The following GBP5 variants were observed in gnomAD, a reference collection of about 807,000 sequenced individuals.
GBP5 encodes guanylate binding protein 5.
Under a neutral mutation model 58.2 loss-of-function variants are expected in GBP5, and 48 were observed. The ratio of observed to expected loss-of-function variants is 0.83; its 90% confidence interval spans 0.65 to 1.05. The LOEUF (loss-of-function observed/expected upper bound fraction) is 1.05. Ranked by LOEUF, GBP5 falls within the 50% of genes least tolerant of loss-of-function variation. The pLI is 0.00. For missense variants in GBP5, 714 were observed against 686.8 expected (o/e 1.04, Z -0.44); for synonymous variants, 248 against 251.8 (o/e 0.98, Z 0.14).
chr1:89,264,115 T>G (rs188526278), intron 8 of GBP5, among the ~76,000 whole-genome samples, 167 bp from the exon 9 acceptor site: 2 of 152,216 alleles, frequency 1.3e-5, no homozygotes, highest in African/African-American at 4.8e-5. Flanking sequence ...AGGATGATAC[T>G]CTATAGAAAA....
intron 3 of GBP5, 69 bp downstream of exon 3, chr1:89,269,297 T>TCCTC (rs1477117862): frequency 7.9e-5 from 115 of 1,460,742 alleles, no homozygotes; most frequent in Non-Finnish European, 1.4e-5. Flanking sequence ...TCTCCTTGCT[T>TCCTC]CCTCGTACTG....
chr1:89,265,011 G>A (rs76733722), intron 7 of GBP5, 45 bp from the exon 8 acceptor site: 317 of 1,534,202 alleles, frequency 2.1e-4, no homozygotes, highest in Admixed American at 3.5e-4. Context: ...AAAGGAAGAA[G>A]ACATGATTGA....
rs758896222 is a variant in GBP5 at position 89,264,897 on chromosome 1, G to A, written c.938C>T (p.Ala313Val). The change falls in exon 8 of 12, where the codon GCA becomes GTA. Residue 313 changes from alanine (A) to valine (V), a missense_variant. Ala to Val is a moderately conservative substitution (Grantham distance 64). Coordinates refer to ENST00000370459, the MANE Select transcript of GBP5 (RefSeq NM_052942.5). ...CTCTCTCTGAGCCAAGGCCAGGACT[G>A]CATTCTCTATGCAAGGCAGATCCCC... ...SSGDLPCIENAVLALAQRENS... is the reference protein window; with the variant it reads ...SSGDLPCIENVVLALAQRENS... 6.2e-7 allele frequency: 1 copy of A among 1,614,192 alleles called. No individual in the cohort carries two copies. Among genetic ancestry groups the A allele is most frequent in the Non-Finnish European group, 8.5e-7 (1 of 1,180,016 alleles).
chr1:89,269,347 C>T lies in GBP5; in HGVS notation c.190+19G>A, dbSNP rs1475310588. On this transcript the variant is annotated intron_variant, in intron 3 of 11. Coordinates refer to ENST00000370459, the MANE Select transcript of GBP5 (RefSeq NM_052942.5). ...GAATGGACAGAAGGGTTTGGCAGAG[C>T]TTTGCTGGTACCACTCACCCTTGTT... 3 of 1,612,454 alleles carry T rather than the reference C, an allele frequency of 1.9e-6. No homozygotes were observed. The highest frequency in any genetic ancestry group is 2.5e-6 in the Non-Finnish European group (3 of 1,179,020).
intron 2 of GBP5, chr1:89,269,797 T>G (rs1650373452): frequency 6.6e-6 from 2 of 300,874 alleles, no homozygotes; most frequent in South Asian, 2.6e-4. Context: ...TAGGCCATTC[T>G]ACTGGTTCTT....
Position 89,269,519 on chromosome 1 carries a change from G to A in GBP5, c.37C>T (p.Leu13Phe), listed in dbSNP as rs770110417. The A allele has an allele frequency of 1.9e-5, 30 of 1,613,768 alleles. No individual in the cohort carries two copies. Among genetic ancestry groups the A allele is most frequent in the Non-Finnish European group, 2.3e-5 (27 of 1,179,842 alleles). The change falls in exon 3 of 12, where the codon CTC becomes TTC. Residue 13 changes from leucine (L) to phenylalanine (F), a missense_variant. Transcript: ENST00000370459. Reference protein sequence around the residue: ...LEIHMSDPMCLIENFNEQLKV... With the variant: ...LEIHMSDPMCFIENFNEQLKV... ...AGCTGCTCATTAAAGTTCTCGATGAGGCACATGGGGTCTGACATGTGGATC... is the reference window on the plus strand; with the variant it reads ...AGCTGCTCATTAAAGTTCTCGATGAAGCACATGGGGTCTGACATGTGGATC...
rs1426966388 is a variant in GBP5, at chr1:89,264,943, A to G, written c.892T>C (p.Tyr298His). 1 of 1,613,764 alleles carries G rather than the reference A, an allele frequency of 6.2e-7. No homozygotes were observed. Residue 298 changes from tyrosine (Y) to histidine (H), a missense_variant, in exon 8 of 12, where the codon TAT becomes CAT. Tyr to His is a moderately conservative substitution (Grantham distance 83). Coordinates refer to ENST00000370459, the MANE Select transcript of GBP5 (RefSeq NM_052942.5). ...GSRLKNLVLT[Y>H]VNAISSGDLP... ...TCCCCACTGCTGATGGCATTGACAT[A>G]GGTCAGCACCAGGTTCTTTAGACCT...
intron 1 of GBP5, chr1:89,271,825 A>G (rs1167887101): frequency 6.6e-6 from 1 of 152,212 alleles, no homozygotes; most frequent in East Asian, 1.9e-4. Flanking sequence ...TCATAATAGT[A>G]AAGGCAATAG....
chr1:89,263,964 A>C lies in GBP5; in HGVS notation c.1150-16T>G. On this transcript the variant is annotated splice_polypyrimidine_tract_variant and intron_variant, in intron 8 of 11. Coordinates refer to ENST00000370459, the MANE Select transcript of GBP5 (RefSeq NM_052942.5). ...CTAGTAGAGTCTTCAAAGAGACAAA[A>C]ACCCATGGAAAAGATGTTAGCAATA... The C allele has an allele frequency of 1.4e-6, 2 of 1,458,028 alleles. No homozygotes were observed. The highest frequency in any genetic ancestry group is 1.2e-5 in the South Asian group (1 of 86,894). The allele number at this position is 1,458,028 out of a possible 1,614,324, so 90.3% of individuals were successfully genotyped here.
At chr1:89,260,875 C>T (rs111723841) in intron 11 of GBP5, 58 bp from the exon 12 acceptor site, 17 of 1,214,626 alleles carry the variant, frequency 1.4e-5, no homozygotes, top group African/African-American at 1.2e-4. Context: ...CTAAATCACT[C>T]ACTTGTCCTT....
At position 89,258,451 on chromosome 1, in the gene GBP5, GA is replaced by G. The variant is rs1307261513; in HGVS notation, c.*2252del. The stretch of plus-strand genomic sequence containing the variant: ...TTTTTCTTTATAAATTGCACAGCTT[GA>G]AAAGGTAATTGTAGGGTATTGCTAG... On this transcript the variant is annotated 3_prime_UTR_variant, in exon 12 of 12. Transcript: ENST00000370459. 6.6e-6 allele frequency among the ~76,000 whole-genome samples: 1 copy of G among 152,154 alleles called. No individual in the cohort carries two copies. The highest frequency in any genetic ancestry group is 1.5e-5 in the Non-Finnish European group (1 of 68,028).
chr1:89,264,687 T>C lies in GBP5; in HGVS notation c.1148A>G (p.Glu383Gly), dbSNP rs749812638. The change falls in exon 8 of 12, where the codon GAG (glutamate) becomes GGG (glycine). Residue 383 changes from glutamate to glycine, a missense_variant and splice_region_variant. By Grantham distance (98) the Glu-to-Gly change is moderately conservative. Coordinates refer to ENST00000370459, the MANE Select transcript of GBP5 (RefSeq NM_052942.5). Reference sequence around the variant, plus strand: ...ATGAACTAGAAACAAAAATATCACCTCCAATTCTTTCTGGAAACTTTGGTC... The same window carrying C: ...ATGAACTAGAAACAAAAATATCACCCCCAATTCTTTCTGGAAACTTTGGTC... ...DVDQSFQKELETLLDAKQNDI... is the reference protein window; with the variant it reads ...DVDQSFQKELGTLLDAKQNDI... 1.2e-6 allele frequency: 2 copies of C among 1,613,024 alleles called. No homozygotes were observed. The highest frequency in any genetic ancestry group is 1.7e-6 in the Non-Finnish European group (2 of 1,179,056).
At position 89,262,773 on chromosome 1, in the gene GBP5, G is replaced by T. The variant is rs1317194850; in HGVS notation, c.1375C>A (p.Leu459Met). The change falls in exon 10 of 12, where the codon CTG becomes ATG. Residue 459 changes from leucine (L) to methionine (M), a missense_variant. Coordinates refer to ENST00000370459, the MANE Select transcript of GBP5 (RefSeq NM_052942.5). ...PRKGIQAEEV[L>M]QKYLKSKESV... ...TCCTTGGACTTTAAATATTTCTGCA[G>T]AACTTCTTCAGCCTAGCAACCCGGA... is the stretch of plus-strand genomic sequence containing the variant. The T allele has an allele frequency of 1.3e-6, 2 of 1,566,470 alleles. No individual in the cohort carries two copies. The highest frequency in any genetic ancestry group is 1.7e-6 in the Non-Finnish European group (2 of 1,163,320).
chr1:89,266,214 A>G (rs1650205664), intron 7 of GBP5, 132 bp downstream of exon 7: 2 of 744,418 alleles, frequency 2.7e-6, no homozygotes, highest in South Asian at 3.8e-5. Flanking sequence ...CTTAATAAAT[A>G]TGATACATAT....
chr1:89,260,793 T>C lies in GBP5; in HGVS notation c.1672A>G (p.Thr558Ala). The change falls in exon 12 of 12, where the codon ACA (threonine) becomes GCA (alanine). Residue 558 changes from threonine to alanine, a missense_variant. By Grantham distance (58) the Thr-to-Ala change is moderately conservative (BLOSUM62 0). Transcript: ENST00000370459. Reference sequence around the variant, plus strand: ...AGGCTTCTATTTTGAGCTTGGAATGTTGTGCTGAGCTGTGCAGCCTGTTCC... The same window carrying C: ...AGGCTTCTATTTTGAGCTTGGAATGCTGTGCTGAGCTGTGCAGCCTGTTCC... Reference protein sequence around the residue: ...MQEQAAQLSTTFQAQNRSLLS... With the variant: ...MQEQAAQLSTAFQAQNRSLLS... The C allele has an allele frequency of 6.2e-7, 1 of 1,613,960 alleles. No homozygotes were observed. Among genetic ancestry groups the C allele is most frequent in the East Asian group, 2.2e-5 (1 of 44,872 alleles).
chr1:89,268,411 T>C (rs796218492), intron 4 of GBP5, among the ~76,000 whole-genome samples: 23 of 152,334 alleles, frequency 1.5e-4, no homozygotes, highest in African/African-American at 5.3e-4. Flanking sequence ...CACAAGTTCA[T>C]TTAAGAACAG....
In GBP5 at chr1:89,266,960, G is replaced by T. The variant is rs779963086; in HGVS notation, c.622C>A (p.Gln208Lys). ...CTAAAACTGAAGTCCCTGTTACCTT[G>T]CTTTGGCCTTAGGGAATTCTCCAGG... ...EYLENSLRPK[Q>K]GSDQRVQNFN... The change falls in exon 6 of 12, where the codon CAA (glutamine) becomes AAA (lysine). Residue 208 changes from glutamine to lysine, a missense_variant. Transcript: ENST00000370459. 6.3e-7 allele frequency: 1 copy of T among 1,594,444 alleles called. No homozygotes were observed. Among genetic ancestry groups the T allele is most frequent in the Admixed American group, 1.8e-5 (1 of 54,830 alleles).
rs779406341 is a variant in GBP5, at chr1:89,260,781, G to T, written c.1684C>A (p.Gln562Lys). The T allele has an allele frequency of 3.1e-6, 5 of 1,614,060 alleles. No homozygotes were observed. Among genetic ancestry groups the T allele is most frequent in the Non-Finnish European group, 4.2e-6 (5 of 1,179,958 alleles). The change falls in exon 12 of 12, where the codon CAA becomes AAA. Residue 562 changes from glutamine to lysine, a missense_variant. Gln to Lys is a moderately conservative substitution (Grantham distance 53). Transcript: ENST00000370459. ...AGCTCACTGAGAAGGCTTCTATTTTGAGCTTGGAATGTTGTGCTGAGCTGT... is the reference window on the plus strand; with the variant it reads ...AGCTCACTGAGAAGGCTTCTATTTTTAGCTTGGAATGTTGTGCTGAGCTGT... ...AAQLSTTFQA[Q>K]NRSLLSELQH...
intron 7 of GBP5, 43 bp downstream of exon 7, chr1:89,266,303 A>G: frequency 6.5e-7 from 1 of 1,548,538 alleles, no homozygotes; most frequent in Non-Finnish European, 8.9e-7. Context: ...TGTCCCTTAT[A>G]GTTTACATTA....
Sources: gnomAD v4.1 joint callset for allele counts (sites outside exome capture counted in the v4.1 genomes callset) on GRCh38, gnomAD v4.1.1 for gene constraint, MANE v1.5 for transcripts, NCBI Gene and HGNC (gene_info 2026-07-23, HGNC 2026-07-21) for gene names.